Variants in BRD3 observed in about 807,000 individuals in gnomAD.
BRD3 encodes the protein bromodomain-containing protein 3.
A neutral mutation model predicts 66.8 loss-of-function variants in BRD3; 17 were observed. The ratio of observed to expected loss-of-function variants is 0.25; its 90% CI spans 0.17 to 0.38. BRD3 has a LOEUF of 0.38. BRD3 is among the 10% of genes least tolerant of loss of function. The pLI is 1.00. For synonymous variants in BRD3, 421 were observed against 393.2 expected, an observed-to-expected ratio of 1.07 and a Z score of -0.84; for missense variants, 713 against 956.1, an observed-to-expected ratio of 0.75 and a Z score of 3.35.
In BRD3 at chr9:134,032,593, G is replaced by A; in HGVS notation, c.*997C>T. ...CGCCGCCAGACAGGACCCGCGCCCG[G>A]CACACCACTGGCAAGGCCTGCATCT... On this transcript the variant is annotated 3_prime_UTR_variant, in exon 12 of 12. Transcript: ENST00000303407. 2 of 230,878 alleles carry A rather than the reference G, an allele frequency of 8.7e-6. No individual in the cohort carries two copies. Among genetic ancestry groups the A allele is most frequent in the East Asian group, 6.1e-5 (1 of 16,392 alleles). The allele number at this position is 230,878 out of a possible 1,614,324, so 14.3% of individuals were successfully genotyped here. A position where few individuals can be genotyped will look rare whatever the true frequency, so the allele number is the denominator to read the frequency against.
At chr9:134,042,502 C>A (rs1445744082) in intron 7 of BRD3, among the ~76,000 whole-genome samples, 2 of 152,092 alleles carry the variant, frequency 1.3e-5, no homozygotes, top group Admixed American at 1.3e-4. Context: ...CCAGTCATGG[C>A]AGCACATGTC....
chr9:134,062,791 C>T (rs1830572093), intron 1 of BRD3, among the ~76,000 whole-genome samples: 1 of 152,186 alleles, frequency 6.6e-6, no homozygotes, highest in Non-Finnish European at 1.5e-5. Context: ...TAGTCAGGGT[C>T]TCCCACGGGT....
intron 7 of BRD3, among the ~76,000 whole-genome samples, chr9:134,044,769 A>C (rs761456872): frequency 6.6e-6 from 1 of 152,182 alleles, no homozygotes; most frequent in Non-Finnish European, 1.5e-5. Context: ...CTGCGCTGAG[A>C]GCTAGACCAA....
At chr9:134,039,835 G>T (rs533670529) in intron 9 of BRD3, among the ~76,000 whole-genome samples, 199 bp downstream of exon 9, 10 of 151,650 alleles carry the variant, frequency 6.6e-5, no homozygotes, top group African/African-American at 2.4e-4. Flanking sequence ...GGCCAGCCCC[G>T]CAGACAACTG....
In BRD3 at chr9:134,038,367, A is replaced by T. The variant is rs1342452391; in HGVS notation, c.1643+1667T>A. ...GACAGGGTTTCACCATGTTGGCCCA[A>T]ATTTCTGGGATTACAGGTGTGAGCC... On this transcript the variant is annotated intron_variant, in intron 9 of 11. Coordinates refer to ENST00000303407, the MANE Select transcript of BRD3 (RefSeq NM_007371.4). Among the ~76,000 whole-genome samples the T allele has an allele frequency of 2.6e-5, 4 of 152,160 alleles. No individual in the cohort carries two copies. In the East Asian group the frequency reaches 5.8e-4, roughly 22 times the overall value.
At position 134,033,244 on chromosome 9, in the gene BRD3, C is replaced by A; in HGVS notation, c.*346G>T. ...TGGAAAAAATTCTTTCTCGAGCTAT[C>A]GACCAGGTTGGGCCTAAGCAAAGGG... On this transcript the variant is annotated 3_prime_UTR_variant, in exon 12 of 12. Transcript: ENST00000303407. The surrounding 1 kb of genome is among the most constrained non-coding windows in gnomAD (Gnocchi z 5.1). The A allele has an allele frequency of 2.5e-6, 1 of 403,048 alleles. No individual in the cohort carries two copies. Among genetic ancestry groups the A allele is most frequent in the Non-Finnish European group, 4.4e-6 (1 of 228,902 alleles). 25.0% of individuals were successfully genotyped at this position (403,048 alleles called of 1,614,324 possible). A position where few individuals can be genotyped will look rare whatever the true frequency, so the allele number is the denominator to read the frequency against.
chr9:134,045,376 C>T lies in BRD3; in HGVS notation c.1132G>A (p.Ala378Thr), dbSNP rs200008016. The change falls in exon 7 of 12, where the codon GCT becomes ACT. Residue 378 changes from alanine to threonine, a missense_variant. Around this residue, in one of 5 missense-constraint regions of BRD3, gnomAD observed 418 missense variants for 609.3 expected, o/e 0.69. Coordinates refer to ENST00000303407, the MANE Select transcript of BRD3 (RefSeq NM_007371.4). This position sits in a 1 kb window ranked among gnomAD's most constrained non-coding sequence, Gnocchi z 4.8. ...TTCGAGAACATCAGCCGGACATCAG[C>T]AGCAAAGCCCTGTGCGTCTGGGTAC... ...REYPDAQGFA[A>T]DVRLMFSNCY... The T allele has an allele frequency of 2.0e-5, 33 of 1,613,620 alleles. No individual in the cohort carries two copies. The highest frequency in any genetic ancestry group is 2.5e-5 in the Non-Finnish European group (30 of 1,180,020).
chr9:134,067,339 G>T (rs1027790454), intron 1 of BRD3, among the ~76,000 whole-genome samples: 20 of 151,468 alleles, frequency 1.3e-4, no homozygotes, highest in Non-Finnish European at 2.7e-4. Flanking sequence ...GCCCAGGGCC[G>T]AGCCCGGCCT....
At position 134,048,506 on chromosome 9, in the gene BRD3, G is replaced by C. The variant is rs546081235; in HGVS notation, c.715-52C>G. ...CCCGGAAACCAGGGGCCCCGAAGAC[G>C]CATGTCGCTGCAGCCGCGTTTCTGG... On this transcript the variant is annotated intron_variant, in intron 5 of 11. Transcript: ENST00000303407. 3.8e-6 allele frequency: 6 copies of C among 1,592,680 alleles called. No individual in the cohort carries two copies. In the South Asian group the frequency reaches 5.5e-5, roughly 15 times the overall value.
chr9:134,039,241 T>C (rs1246083587), intron 9 of BRD3, among the ~76,000 whole-genome samples: 2 of 152,258 alleles, frequency 1.3e-5, no homozygotes, highest in African/African-American at 4.8e-5. Context: ...TCTGATCATG[T>C]TGAGCTTAAA....
chr9:134,067,719 GCCGCCGCCA>G (rs1317381694), intron 1 of BRD3, among the ~76,000 whole-genome samples: 1 of 143,586 alleles, frequency 7.0e-6, no homozygotes, highest in East Asian at 2.0e-4. Context: ...CCGCGCCACC[GCCGCCGCCA>G]CCGCCGCCGC....
Position 134,045,275 on chromosome 9 carries a change from T to C in BRD3, c.1215+18A>G, listed in dbSNP as rs1310338565. 2.5e-6 allele frequency: 4 copies of C among 1,612,818 alleles called. No individual in the cohort carries two copies. The highest frequency in any genetic ancestry group is 3.4e-6 in the Non-Finnish European group (4 of 1,179,834). ...GCACTGAGCTGAGCAGCCCCACCCG[T>C]GCCCAGCCTCGGGTTACCTGGAGCT... On this transcript the variant is annotated intron_variant, in intron 7 of 11. Transcript: ENST00000303407. The surrounding 1 kb of genome is among the most constrained non-coding windows in gnomAD (Gnocchi z 4.8).
chr9:134,045,535 G>A lies in BRD3; in HGVS notation c.1087-114C>T. ...AGGAGCCACTGCCAGCTCCAGGGCA[G>A]TGCCTACTGGCCTGGCCGGCAGGAC... On this transcript the variant is annotated intron_variant, in intron 6 of 11. Coordinates refer to ENST00000303407, the MANE Select transcript of BRD3 (RefSeq NM_007371.4). The surrounding 1 kb of genome is among the most constrained non-coding windows in gnomAD (Gnocchi z 4.8). The A allele has an allele frequency of 1.3e-6, 2 of 1,491,720 alleles. No homozygotes were observed. The highest frequency in any genetic ancestry group is 2.4e-5 in the South Asian group (2 of 82,058). The allele number at this position is 1,491,720 out of a possible 1,614,324, so 92.4% of individuals were successfully genotyped here.
chr9:134,051,369 T>C (rs1334253605), intron 4 of BRD3, among the ~76,000 whole-genome samples, 193 bp downstream of exon 4: 1 of 152,192 alleles, frequency 6.6e-6, no homozygotes, highest in Non-Finnish European at 1.5e-5. Flanking sequence ...ATGGCGTTAA[T>C]GTCTTCCGTA....
At chr9:134,053,662 G>A (rs1830352322) in intron 1 of BRD3, 72 bp from the exon 2 acceptor site, 9 of 1,338,092 alleles carry the variant, frequency 6.7e-6, no homozygotes, top group African/African-American at 4.4e-5. Context: ...CAGCCTCGGC[G>A]GGCTCCTGAG....
intron 1 of BRD3, among the ~76,000 whole-genome samples, chr9:134,054,735 G>C (rs1449034183): frequency 1.3e-5 from 2 of 152,174 alleles, no homozygotes; most frequent in African/African-American, 2.4e-5. Context: ...TTTGTGAGCT[G>C]GGTGACATCT....
chr9:134,035,944 C>T, intron 10 of BRD3, 88 bp downstream of exon 10: 3 of 1,495,290 alleles, frequency 2.0e-6, no homozygotes, highest in African/African-American at 1.4e-5. Context: ...CCCAAGCTCG[C>T]CGCACAGGGT....
chr9:134,032,841 T>C lies in BRD3; in HGVS notation c.*749A>G, dbSNP rs200012956. The C allele has an allele frequency of 2.3e-4, 32 of 137,062 alleles. No individual in the cohort carries two copies. Among genetic ancestry groups the C allele is most frequent in the African/African-American group, 1.6e-3 (31 of 19,584 alleles). 8.5% of individuals were successfully genotyped at this position (137,062 alleles called of 1,614,324 possible). On this transcript the variant is annotated 3_prime_UTR_variant, in exon 12 of 12. Coordinates refer to ENST00000303407, the MANE Select transcript of BRD3 (RefSeq NM_007371.4). ...GCCGAACCTTACAAAAAAAGTCTCC[T>C]TTTTTTTTTTTTTTAAATCTTTTCT...
chr9:134,048,109 G>A lies in BRD3; in HGVS notation c.1060C>T (p.His354Tyr), dbSNP rs200292887. 2 of 1,592,040 alleles carry A rather than the reference G, an allele frequency of 1.3e-6. No individual in the cohort carries two copies. The highest frequency in any genetic ancestry group is 2.2e-5 in the East Asian group (1 of 44,636). The change falls in exon 6 of 12, where the codon CAC (histidine) becomes TAC (tyrosine). Residue 354 changes from histidine to tyrosine, a missense_variant. By Grantham distance (83) the His-to-Tyr change is moderately conservative (BLOSUM62 2). Around this residue, in one of 5 missense-constraint regions of BRD3, gnomAD observed 418 missense variants for 609.3 expected, o/e 0.69. Transcript: ENST00000303407. The part of the protein sequence containing the change: ...ELHDYHDIIK[H>Y]PMDLSTVKRK... ...TTCACGGTGCTGAGGTCCATCGGGTGCTTGATGATGTCGTGGTAGTCGTGC... is the reference window on the plus strand; with the variant it reads ...TTCACGGTGCTGAGGTCCATCGGGTACTTGATGATGTCGTGGTAGTCGTGC...
Sources: allele counts gnomAD v4.1 joint callset (sites outside exome capture counted in the v4.1 genomes callset), GRCh38; gene constraint gnomAD v4.1.1; regional missense constraint gnomAD v4.1.1; non-coding constraint Gnocchi (gnomAD v3.1); transcripts MANE v1.5; gene names NCBI Gene and HGNC (gene_info 2026-07-23, HGNC 2026-07-21).